RSU1: variants seen among roughly 807,000 people sequenced by gnomAD.
RSU1 encodes the protein Ras suppressor protein 1.
A neutral mutation model predicts 31.1 loss-of-function variants in RSU1; 26 were observed. That is an observed-to-expected ratio of 0.84 (90% CI 0.61 to 1.16). The LOEUF is 1.16. Ranked by LOEUF, RSU1 falls within the 50% of genes most tolerant of loss-of-function variation. The probability of loss-of-function intolerance (pLI) is 0.00; values close to 1 mark genes in which losing one functional copy is unlikely to be tolerated. For missense variants in RSU1, 320 were observed against 339.1 expected (o/e 0.94, Z 0.44); for synonymous variants, 164 against 136.3 (o/e 1.20, Z -1.41).
intron 8 of RSU1, among the ~76,000 whole-genome samples, chr10:16,675,200 C>CA (rs4012468): frequency 0.067 from 6,399 of 95,240 alleles, 241 homozygotes; most frequent in Middle Eastern, 0.13. Flanking sequence ...GACTCTGTCT[C>CA]AAAAAAAAAA....
At chr10:16,661,701 T>C (rs1340785672) in intron 8 of RSU1, among the ~76,000 whole-genome samples, 2 of 152,188 alleles carry the variant, frequency 1.3e-5, no homozygotes, top group Non-Finnish European at 1.5e-5. Context: ...GGTAGCCCCT[T>C]TGAATGTGCT....
chr10:16,772,979 G>T (rs1442646103), intron 3 of RSU1, among the ~76,000 whole-genome samples: 1 of 152,076 alleles, frequency 6.6e-6, no homozygotes, highest in Admixed American at 6.6e-5. Flanking sequence ...GGCCGAGGTG[G>T]GTGGATTGCT....
At chr10:16,806,174 G>T (rs1838263463) in intron 2 of RSU1, among the ~76,000 whole-genome samples, 2 of 152,194 alleles carry the variant, frequency 1.3e-5, no homozygotes, top group African/African-American at 4.8e-5. Flanking sequence ...TGGTTCAAAT[G>T]GGATAAACAT....
Position 16,593,499 on chromosome 10 carries a change from G to A in RSU1, c.732-3C>T, listed in dbSNP as rs774784823. 6.2e-6 allele frequency: 10 copies of A among 1,607,924 alleles called. No individual in the cohort carries two copies. The African/African-American group carries it at 1.2e-4, about 19-fold the overall frequency. ...CCTGCATGTGTCTGCCGTAGAGGCT[G>A]CAAAGACAGAGAAAGGACACTATCA... On this transcript the variant is annotated splice_region_variant and splice_polypyrimidine_tract_variant and intron_variant, in intron 8 of 8. Transcript: ENST00000345264.
At chr10:16,750,142 CCTA>C (rs1836945911) in intron 7 of RSU1, among the ~76,000 whole-genome samples, 1 of 152,052 alleles carries the variant, frequency 6.6e-6, no homozygotes, top group Non-Finnish European at 1.5e-5. Flanking sequence ...ATAGATACTA[CCTA>C]TTATTATAAT....
chr10:16,769,962 G>A (rs1417002382), intron 3 of RSU1, among the ~76,000 whole-genome samples: 1 of 152,138 alleles, frequency 6.6e-6, no homozygotes, highest in East Asian at 1.9e-4. Flanking sequence ...CAACTTTCCA[G>A]AGGAGAAAAG....
At chr10:16,663,850 C>T (rs1292254624) in intron 8 of RSU1, among the ~76,000 whole-genome samples, 1 of 152,188 alleles carries the variant, frequency 6.6e-6, no homozygotes, top group Non-Finnish European at 1.5e-5. Context: ...GAAATCCACC[C>T]TCTTTTCAGA....
chr10:16,644,620 C>G (rs1834503109), intron 8 of RSU1, among the ~76,000 whole-genome samples: 1 of 152,152 alleles, frequency 6.6e-6, no homozygotes, highest in African/African-American at 2.4e-5. Flanking sequence ...CTGGGTCTCC[C>G]AGACCTGTGG....
chr10:16,661,297 T>C (rs868418038), intron 8 of RSU1, among the ~76,000 whole-genome samples: 5,032 of 138,552 alleles, frequency 0.036, 264 homozygotes, highest in African/African-American at 0.15. Flanking sequence ...CGTGTGTGTG[T>C]GTGTGTGTGT....
At chr10:16,632,388 T>C (rs755483819) in intron 8 of RSU1, among the ~76,000 whole-genome samples, 3 of 152,178 alleles carry the variant, frequency 2.0e-5, no homozygotes, top group Admixed American at 6.5e-5. Context: ...TCTCCTCTAA[T>C]TGAAGGTAAC....
At chr10:16,796,607 G>C (rs185905549) in intron 2 of RSU1, among the ~76,000 whole-genome samples, 2 of 152,126 alleles carry the variant, frequency 1.3e-5, no homozygotes, top group African/African-American at 2.4e-5. Flanking sequence ...TTGTCAAACT[G>C]TTCATCACAA....
At chr10:16,709,255 T>C (rs1835968730) in intron 7 of RSU1, among the ~76,000 whole-genome samples, 1 of 152,120 alleles carries the variant, frequency 6.6e-6, no homozygotes, top group Admixed American at 6.5e-5. Flanking sequence ...GTTTGGTTTT[T>C]TGTCCTTGCG....
intron 7 of RSU1, among the ~76,000 whole-genome samples, chr10:16,742,769 G>A (rs1836778633): frequency 6.6e-6 from 1 of 152,140 alleles, no homozygotes; most frequent in African/African-American, 2.4e-5. Context: ...GTTCAATCAC[G>A]CTGAACCTGA....
intron 5 of RSU1, among the ~76,000 whole-genome samples, chr10:16,754,502 T>C (rs1393885583): frequency 6.6e-6 from 1 of 151,888 alleles, no homozygotes; most frequent in Non-Finnish European, 1.5e-5. Context: ...TGGAATATCC[T>C]GGGCAAATAT....
At chr10:16,808,485 G>GAAAAAA (rs34449677) in intron 2 of RSU1, among the ~76,000 whole-genome samples, 1 of 89,610 alleles carries the variant, frequency 1.1e-5, no homozygotes, top group Non-Finnish European at 2.3e-5. Flanking sequence ...CTCCATTTAA[G>GAAAAAA]AAAAAAAAAA....
chr10:16,659,111 G>A (rs927257367), intron 8 of RSU1, among the ~76,000 whole-genome samples: 1 of 151,840 alleles, frequency 6.6e-6, no homozygotes, highest in East Asian at 1.9e-4. Context: ...GATACTAATC[G>A]GCTGTCAGCA....
chr10:16,781,795 TGGGTAACAC>T (rs1837656782), intron 3 of RSU1, among the ~76,000 whole-genome samples: 1 of 152,146 alleles, frequency 6.6e-6, no homozygotes, highest in Non-Finnish European at 1.5e-5. Flanking sequence ...AAGACCAACC[TGGGTAACAC>T]GGCAAGACCT....
At chr10:16,595,572 A>G (rs189554292) in intron 8 of RSU1, among the ~76,000 whole-genome samples, 96 of 152,320 alleles carry the variant, frequency 6.3e-4, no homozygotes, top group Admixed American at 1.3e-3. Context: ...CAGAGAACAT[A>G]AGAGCCTGCA....
chr10:16,606,782 C>T (rs559477228), intron 8 of RSU1, among the ~76,000 whole-genome samples: 1 of 152,174 alleles, frequency 6.6e-6, no homozygotes, highest in Non-Finnish European at 1.5e-5. Flanking sequence ...TAGAGAGAAG[C>T]CTTTGCTTTC....
Sources: gnomAD v4.1 joint callset for allele counts (sites outside exome capture counted in the v4.1 genomes callset) on GRCh38, gnomAD v4.1.1 for gene constraint, MANE v1.5 for transcripts, NCBI Gene and HGNC (gene_info 2026-07-23, HGNC 2026-07-21) for gene names.